TRHDE: variants seen among roughly 807,000 people sequenced by gnomAD.
TRHDE encodes thyrotropin releasing hormone degrading enzyme.
Under a neutral mutation model 125.7 loss-of-function variants are expected in TRHDE, and 72 were observed. That is an observed-to-expected ratio of 0.57 (90% CI 0.47 to 0.70). The LOEUF (loss-of-function observed/expected upper bound fraction) is 0.70, where lower values mean the gene tolerates loss of function less well. TRHDE is among the 30% of genes least tolerant of loss of function. TRHDE has a pLI of 0.00. For missense variants in TRHDE, 1,110 were observed against 1,327.1 expected (o/e 0.84, Z 2.54); for synonymous variants, 509 against 509.1 (o/e 1.00, Z 0.00).
intron 15 of TRHDE, among the ~76,000 whole-genome samples, chr12:72,622,326 CTG>C (rs1873086681): frequency 6.6e-6 from 1 of 151,976 alleles, no homozygotes. Context: ...GAAAAAAATA[CTG>C]TGCTAAATGT....
At position 72,666,756 on chromosome 12, in the gene TRHDE, A is replaced by G. The variant is rs1003986785; in HGVS notation, c.*3561A>G. 2.6e-5 allele frequency: 4 copies of G among 152,098 alleles called. No homozygotes were observed. Among genetic ancestry groups the G allele is most frequent in the Non-Finnish European group, 4.4e-5 (3 of 67,998 alleles). 9.4% of individuals were successfully genotyped at this position (152,098 alleles called of 1,614,324 possible). A position where few individuals can be genotyped will look rare whatever the true frequency, so the allele number is the denominator to read the frequency against. ...TTTGCAATAATTCCATTGTTTGTTA[A>G]CTTTTGCATTTCTAATTTGCAGGAT... On this transcript the variant is annotated 3_prime_UTR_variant, in exon 19 of 19. Transcript: ENST00000261180.
intron 3 of TRHDE, among the ~76,000 whole-genome samples, chr12:72,413,934 A>G (rs936081978): frequency 2.6e-5 from 4 of 152,092 alleles, no homozygotes; most frequent in African/African-American, 9.7e-5. Context: ...TCACTAAGCA[A>G]TTGCAACAAT....
At chr12:72,350,388 C>T (rs555278641) in intron 2 of TRHDE, among the ~76,000 whole-genome samples, 3 of 151,940 alleles carry the variant, frequency 2.0e-5, no homozygotes, top group African/African-American at 4.8e-5. Flanking sequence ...AAGCCATCTA[C>T]GTATTATATA....
At chr12:72,589,152 G>A (rs191615902) in intron 12 of TRHDE, among the ~76,000 whole-genome samples, 6 of 152,262 alleles carry the variant, frequency 3.9e-5, no homozygotes, top group Admixed American at 3.9e-4. Flanking sequence ...GGTAGCCTCT[G>A]GAGTGACAGA....
At chr12:72,276,650 C>T (rs1879497713) in intron 1 of TRHDE, among the ~76,000 whole-genome samples, 1 of 152,222 alleles carries the variant, frequency 6.6e-6, no homozygotes, top group African/African-American at 2.4e-5. Context: ...GATTTCCATA[C>T]TGTAATGTAC....
chr12:72,202,235 T>C (rs1877574128), intron 2 of TRHDE, among the ~76,000 whole-genome samples: 1 of 152,192 alleles, frequency 6.6e-6, no homozygotes, highest in Non-Finnish European at 1.5e-5. Flanking sequence ...TCCCTTGTCC[T>C]CTGGTTTCCT....
intron 2 of TRHDE, among the ~76,000 whole-genome samples, chr12:72,238,277 T>C (rs1203475692): frequency 3.0e-4 from 2 of 6,632 alleles, no homozygotes; most frequent in Non-Finnish European, 5.4e-4. Flanking sequence ...AGATCCTTAA[T>C]ATATATATAT....
chr12:72,526,896 G>A (rs1467849500), intron 6 of TRHDE, among the ~76,000 whole-genome samples: 1 of 152,130 alleles, frequency 6.6e-6, no homozygotes, highest in Admixed American at 6.6e-5. Context: ...ATCAATAAAA[G>A]GGAATTGTAA....
intron 2 of TRHDE, among the ~76,000 whole-genome samples, chr12:72,187,238 T>C (rs137992720): frequency 6.6e-6 from 1 of 151,436 alleles, no homozygotes; most frequent in Non-Finnish European, 1.5e-5. Flanking sequence ...ATTTTACGGA[T>C]AATAAAAGCT....
chr12:72,596,762 G>A (rs533479893), intron 12 of TRHDE, among the ~76,000 whole-genome samples: 107 of 152,230 alleles, frequency 7.0e-4, no homozygotes, highest in African/African-American at 2.5e-3. Flanking sequence ...CACTTTAGCC[G>A]TAGCTAGTAT....
chr12:72,277,337 C>T (rs1054000450), intron 1 of TRHDE, among the ~76,000 whole-genome samples: 3 of 152,116 alleles, frequency 2.0e-5, no homozygotes, highest in African/African-American at 7.2e-5. Context: ...TTGTAATTTA[C>T]TCAGAATGAA....
intron 3 of TRHDE, among the ~76,000 whole-genome samples, chr12:72,386,841 A>G (rs1872439382): frequency 6.6e-6 from 1 of 152,156 alleles, no homozygotes; most frequent in South Asian, 2.1e-4. Context: ...TCCTTGAAAC[A>G]CAGTTTTTCA....
At chr12:72,589,963 A>G (rs1397508051) in intron 12 of TRHDE, among the ~76,000 whole-genome samples, 1 of 151,892 alleles carries the variant, frequency 6.6e-6, no homozygotes, top group African/African-American at 2.4e-5. Flanking sequence ...AGTTTTTTAA[A>G]TGGAGTCTTA....
At chr12:72,582,786 A>G (rs1871291996) in intron 12 of TRHDE, among the ~76,000 whole-genome samples, 1 of 152,220 alleles carries the variant, frequency 6.6e-6, no homozygotes, top group Non-Finnish European at 1.5e-5. Flanking sequence ...ACATCACTTC[A>G]ACTGAAAACT....
intron 1 of TRHDE, among the ~76,000 whole-genome samples, chr12:72,285,916 T>G (rs887921164): frequency 6.6e-6 from 1 of 152,242 alleles, no homozygotes; most frequent in Non-Finnish European, 1.5e-5. Context: ...TTTAATAAGA[T>G]ACGGCTTGAT....
intron 12 of TRHDE, among the ~76,000 whole-genome samples, chr12:72,591,950 T>G (rs1871704910): frequency 6.6e-6 from 1 of 152,128 alleles, no homozygotes; most frequent in Non-Finnish European, 1.5e-5. Context: ...AGTTTAACTA[T>G]GATATATGCA....
intron 6 of TRHDE, among the ~76,000 whole-genome samples, chr12:72,529,948 T>G (rs1320125833): frequency 6.6e-6 from 1 of 152,116 alleles, no homozygotes; most frequent in Non-Finnish European, 1.5e-5. Context: ...ATACTCTGCT[T>G]CCCTTGCTAT....
chr12:72,167,161 G>A (rs1308805112), intron 2 of TRHDE, among the ~76,000 whole-genome samples: 1 of 152,130 alleles, frequency 6.6e-6, no homozygotes, highest in Admixed American at 6.5e-5. Context: ...AGGTGAGAGA[G>A]AAACTCTTTC....
chr12:72,515,018 T>A (rs2135953470), intron 6 of TRHDE, among the ~76,000 whole-genome samples: 1 of 147,304 alleles, frequency 6.8e-6, no homozygotes, highest in South Asian at 2.2e-4. Context: ...GTGCCACATT[T>A]TCTTAATCCA....
Sources: gnomAD v4.1 joint callset for allele counts (sites outside exome capture counted in the v4.1 genomes callset) on GRCh38, gnomAD v4.1.1 for gene constraint, MANE v1.5 for transcripts, NCBI Gene and HGNC (gene_info 2026-07-23, HGNC 2026-07-21) for gene names.